Variants in ACOXL observed in about 807,000 individuals in gnomAD.
ACOXL encodes acyl-coenzyme A oxidase-like protein.
ACOXL carries 70 observed loss-of-function variants against 71.9 expected under a neutral mutation model. The observed-to-expected ratio is 0.97, with a 90% CI of 0.80 to 1.19. ACOXL has a LOEUF of 1.19. ACOXL is among the 50% of genes most tolerant of loss of function. The pLI, the probability that ACOXL is intolerant of heterozygous loss-of-function variation, is 0.00. For missense variants in ACOXL, 703 were observed against 736.3 expected, an observed-to-expected ratio of 0.95 and a Z score of 0.52; for synonymous variants, 253 against 281.6, an observed-to-expected ratio of 0.90 and a Z score of 1.02.
chr2:110,837,334 C>T (rs1690580661), intron 9 of ACOXL, among the ~76,000 whole-genome samples: 1 of 152,136 alleles, frequency 6.6e-6, no homozygotes, highest in Non-Finnish European at 1.5e-5. Context: ...GACCCTTGGT[C>T]AAGTGGGCAT....
chr2:110,792,900 A>G (rs1684816536), intron 3 of ACOXL, among the ~76,000 whole-genome samples: 1 of 152,214 alleles, frequency 6.6e-6, no homozygotes, highest in Non-Finnish European at 1.5e-5. Context: ...ATTATAAGGC[A>G]TTAGGTAGCT....
intron 10 of ACOXL, among the ~76,000 whole-genome samples, chr2:110,890,050 G>T (rs1697765672): frequency 6.6e-6 from 1 of 152,132 alleles, no homozygotes; most frequent in Admixed American, 6.5e-5. Context: ...TTTGCCTAAT[G>T]ACTAATTATA....
At chr2:110,863,669 C>T (rs1009748045) in intron 10 of ACOXL, among the ~76,000 whole-genome samples, 2 of 152,152 alleles carry the variant, frequency 1.3e-5, no homozygotes, top group African/African-American at 4.8e-5. Context: ...GGACACATTC[C>T]ATTCCTTAGG....
chr2:111,073,196 T>G (rs1212539684), intron 16 of ACOXL, among the ~76,000 whole-genome samples: 2 of 152,232 alleles, frequency 1.3e-5, no homozygotes, highest in African/African-American at 4.8e-5. Flanking sequence ...TCTTCTCCCA[T>G]TGTATAGTAT....
Position 111,092,967 on chromosome 2 carries a change from G to A in ACOXL, c.1542+1G>A. Reference sequence around the variant, plus strand: ...GGCCAGCACGAGGATCAGGAATCAGGTAAGGTCCCTGGGGTACAGAAAAAC... The same window carrying A: ...GGCCAGCACGAGGATCAGGAATCAGATAAGGTCCCTGGGGTACAGAAAAAC... On this transcript the variant is annotated splice_donor_variant, in intron 17 of 17. Coordinates refer to ENST00000439055, the MANE Select transcript of ACOXL (RefSeq NM_001142807.4). LOFTEE classifies it high-confidence loss of function. The A allele has an allele frequency of 1.2e-6, 2 of 1,613,458 alleles. No homozygotes were observed. The highest frequency in any genetic ancestry group is 1.7e-6 in the Non-Finnish European group (2 of 1,179,482).
chr2:110,865,545 G>T (rs2149007353), intron 10 of ACOXL, among the ~76,000 whole-genome samples: 1 of 152,306 alleles, frequency 6.6e-6, no homozygotes, highest in East Asian at 1.9e-4. Context: ...GGGTATTGAA[G>T]AAAGGAGCAT....
chr2:110,781,145 T>C (rs1437462970), intron 2 of ACOXL, among the ~76,000 whole-genome samples: 1 of 152,226 alleles, frequency 6.6e-6, no homozygotes, highest in Admixed American at 6.6e-5. Context: ...TTGATTGATA[T>C]GATGGTTACA....
chr2:111,053,021 A>G (rs1429302238), intron 16 of ACOXL, among the ~76,000 whole-genome samples: 4 of 152,086 alleles, frequency 2.6e-5, no homozygotes, highest in Non-Finnish European at 4.4e-5. Context: ...ACAAGTTTCT[A>G]TCCCCACTCT....
intron 9 of ACOXL, among the ~76,000 whole-genome samples, chr2:110,825,067 G>T (rs1689014819): frequency 6.6e-6 from 1 of 152,176 alleles, no homozygotes; most frequent in African/African-American, 2.4e-5. Flanking sequence ...TTGCTACATT[G>T]CTTTGAGTTT....
chr2:110,896,324 CAG>C (rs765104213), intron 10 of ACOXL, among the ~76,000 whole-genome samples: 5 of 152,066 alleles, frequency 3.3e-5, no homozygotes, highest in Middle Eastern at 3.4e-3. Flanking sequence ...AAAAATAAAA[CAG>C]AAATGAAAAA....
intron 11 of ACOXL, among the ~76,000 whole-genome samples, chr2:110,928,182 A>G (rs187102172): frequency 5.3e-5 from 8 of 152,334 alleles, no homozygotes; most frequent in African/African-American, 1.4e-4. Flanking sequence ...CAATACCTGT[A>G]AGGGTAAAAT....
chr2:110,822,228 A>G (rs1345697753), intron 9 of ACOXL, among the ~76,000 whole-genome samples: 2 of 152,280 alleles, frequency 1.3e-5, no homozygotes, highest in East Asian at 3.9e-4. Context: ...TGTATATAAC[A>G]TATCTATAAT....
intron 12 of ACOXL, among the ~76,000 whole-genome samples, chr2:110,957,897 A>G (rs548814428): frequency 2.2e-4 from 33 of 152,032 alleles, no homozygotes; most frequent in African/African-American, 7.7e-4. Context: ...TCTCTACTAA[A>G]AATACAAAAA....
rs917094499 is a variant in ACOXL, at chr2:111,114,599, T to C, written c.1543-3017T>C. Among the ~76,000 whole-genome samples the C allele has an allele frequency of 5.3e-5, 8 of 152,266 alleles. No individual in the cohort carries two copies. In the East Asian group the frequency reaches 7.7e-4, roughly 15 times the overall value. On this transcript the variant is annotated intron_variant, in intron 17 of 17. Transcript: ENST00000439055. ...TATGGGAAGAGGCAGGAAAACCTTC[T>C]GCATGGAGTCCTAGGAATAGCTGGG... is the stretch of plus-strand genomic sequence containing the variant.
chr2:110,878,300 TTAAA>T (rs1309575135), intron 10 of ACOXL, among the ~76,000 whole-genome samples: 1 of 151,978 alleles, frequency 6.6e-6, no homozygotes, highest in African/African-American at 2.4e-5. Flanking sequence ...AAAAGAGAGA[TTAAA>T]TAGATTAGAC....
chr2:110,798,782 G>GA (rs1370150690), intron 6 of ACOXL, 58 bp downstream of exon 6: 3 of 1,505,156 alleles, frequency 2.0e-6, no homozygotes, highest in Non-Finnish European at 1.8e-6. Flanking sequence ...ATTTACCAGT[G>GA]AAAAACCATT....
At chr2:111,099,801 C>T (rs2069019986) in intron 17 of ACOXL, 1 of 152,186 alleles carries the variant, frequency 6.6e-6, no homozygotes, top group South Asian at 2.1e-4. Context: ...GAGTAGCTAT[C>T]AGCTGAGACT....
At chr2:110,808,145 T>G (rs1340951081) in intron 9 of ACOXL, among the ~76,000 whole-genome samples, 1 of 152,074 alleles carries the variant, frequency 6.6e-6, no homozygotes, top group African/African-American at 2.4e-5. Context: ...AGTGGGGGCT[T>G]GGGAGACCTC....
At chr2:110,884,112 C>T (rs1697013807) in intron 10 of ACOXL, among the ~76,000 whole-genome samples, 1 of 152,136 alleles carries the variant, frequency 6.6e-6, no homozygotes, top group Non-Finnish European at 1.5e-5. Context: ...AAAGCATGCA[C>T]ATTTATGTAA....
Sources: allele counts gnomAD v4.1 joint callset (sites outside exome capture counted in the v4.1 genomes callset), GRCh38; gene constraint gnomAD v4.1.1; transcripts MANE v1.5; gene names NCBI Gene and HGNC (gene_info 2026-07-23, HGNC 2026-07-21).